PNPLA1: variants seen among roughly 807,000 people sequenced by gnomAD.
PNPLA1 encodes the protein omega-hydroxyceramide transacylase.
Under a neutral mutation model 51.7 loss-of-function variants are expected in PNPLA1, and 36 were observed. That is an observed-to-expected ratio of 0.70 (90% CI 0.53 to 0.92). The LOEUF (loss-of-function observed/expected upper bound fraction) is 0.92, where lower values mean the gene tolerates loss of function less well. Among genes scored for constraint, PNPLA1 ranks in the 40% least tolerant of loss-of-function variants. The pLI is 0.00. For synonymous variants in PNPLA1, 293 were observed against 280.1 expected (o/e 1.05, Z -0.46); for missense variants, 658 against 682.5 (o/e 0.96, Z 0.40).
At chr6:36,271,254 G>A (rs1769908097) in intron 1 of PNPLA1, among the ~76,000 whole-genome samples, 2 of 152,138 alleles carry the variant, frequency 1.3e-5, no homozygotes, top group African/African-American at 4.8e-5. Flanking sequence ...TGTCCTGCTG[G>A]TCCAGGAGCC....
At chr6:36,291,696 C>A in intron 2 of PNPLA1, 144 bp downstream of exon 2, 1 of 731,782 alleles carries the variant, frequency 1.4e-6, no homozygotes, top group Non-Finnish European at 2.2e-6. Context: ...CAGAGTCTCG[C>A]TGTGCAAGGT....
intron 1 of PNPLA1, among the ~76,000 whole-genome samples, chr6:36,247,863 A>G (rs1769331030): frequency 6.6e-6 from 1 of 152,190 alleles, no homozygotes; most frequent in African/African-American, 2.4e-5. Context: ...TTGGTTACTC[A>G]GGGCTCCCGA....
chr6:36,302,396 A>T lies in PNPLA1; in HGVS notation c.1311A>T (p.Thr437=). ...CTTCAACTGTGGGGGCACCTCAAAC[A>T]CTGCCCCGAAGTTCTCTTTCAGCCT... The part of the protein sequence containing the change: ...LGPSTVGAPQ[T]LPRSSLSAFP... The change falls in exon 6 of 9, where the codon ACA becomes ACT. Residue 437 remains threonine, a synonymous_variant. Transcript: ENST00000636260. 6.3e-7 allele frequency: 1 copy of T among 1,589,460 alleles called. No individual in the cohort carries two copies.
At chr6:36,263,965 G>A (rs569774843) in intron 1 of PNPLA1, among the ~76,000 whole-genome samples, 21 of 152,208 alleles carry the variant, frequency 1.4e-4, no homozygotes, top group African/African-American at 4.6e-4. Flanking sequence ...CTGCTTCCCC[G>A]CTTCCCTTCC....
chr6:36,270,754 G>C (rs555323630), intron 1 of PNPLA1, 90 bp downstream of exon 1: 34 of 1,427,468 alleles, frequency 2.4e-5, no homozygotes, highest in Non-Finnish European at 2.8e-5. Context: ...GATGCTTTGG[G>C]GGACAAAGCC....
intron 1 of PNPLA1, among the ~76,000 whole-genome samples, chr6:36,260,168 G>A (rs989346845): frequency 1.3e-5 from 2 of 152,042 alleles, no homozygotes; most frequent in East Asian, 3.9e-4. Context: ...TTGTGTGCCT[G>A]TAGTCCTAGC....
At chr6:36,273,331 A>C (rs1769984307) in intron 1 of PNPLA1, among the ~76,000 whole-genome samples, 1 of 151,488 alleles carries the variant, frequency 6.6e-6, no homozygotes, top group Non-Finnish European at 1.5e-5. Flanking sequence ...CTAATCCCCC[A>C]CTCCCTCCTC....
At position 36,306,377 on chromosome 6, in the gene PNPLA1, G is replaced by GT. The variant is rs1173092488; in HGVS notation, c.1469+2dup. On this transcript the variant is annotated splice_donor_variant, in intron 7 of 8. Transcript: ENST00000636260. LOFTEE classifies it high-confidence loss of function. ...AAACCGTCAGCAAGCCTTATGTAAC[G>GT]TAAGTTTCCCCTTCGTGGAGCACGC... The GT allele has an allele frequency of 3.1e-6, 5 of 1,606,876 alleles. No homozygotes were observed. Among genetic ancestry groups the GT allele is most frequent in the African/African-American group, 2.7e-5 (2 of 74,320 alleles).
In PNPLA1 at chr6:36,299,325, T is replaced by G. The variant is rs966095115; in HGVS notation, c.776-2536T>G. Among the ~76,000 whole-genome samples, 8 of 81,906 alleles carry G rather than the reference T, an allele frequency of 9.8e-5. 1 individual carries two copies. The highest frequency in any genetic ancestry group is 1.8e-4 in the African/African-American group (4 of 22,702). 53.7% of individuals were successfully genotyped at this position (81,906 alleles called of 152,430 possible). On this transcript the variant is annotated intron_variant, in intron 5 of 8. Transcript: ENST00000636260. ...CCAAAACTTTTGGGGTTTTTTTTGT[T>G]TTTTTGTCTGTTTTTTTTTTTTTTT...
chr6:36,299,942 A>G (rs1332044289), intron 5 of PNPLA1, among the ~76,000 whole-genome samples: 1 of 152,186 alleles, frequency 6.6e-6, no homozygotes, highest in Non-Finnish European at 1.5e-5. Flanking sequence ...AGAATGATAC[A>G]TATATAACAC....
Position 36,302,445 on chromosome 6 carries a change from G to T in PNPLA1, c.1360G>T (p.Glu454Ter). Residue 454 changes from glutamate to a stop codon, truncating the protein, a stop_gained, in exon 6 of 9, where the codon GAA becomes TAA. Coordinates refer to ENST00000636260, the MANE Select transcript of PNPLA1 (RefSeq NM_001374623.1). LOFTEE classifies it high-confidence loss of function. ...CTTCCCTGCTCAGCCACCTGTGGAG[G>T]AACTAGGCCAAGAACAGCCCCAAGG... Reference protein sequence around the residue: ...SAFPAQPPVEELGQEQPQAVA... With the variant: ...SAFPAQPPVE 1 of 1,551,842 alleles carries T rather than the reference G, an allele frequency of 6.4e-7. No homozygotes were observed. Among genetic ancestry groups the T allele is most frequent in the Non-Finnish European group, 8.7e-7 (1 of 1,149,028 alleles).
rs1455553064 is a variant in PNPLA1, at chr6:36,300,196, A to T, written c.776-1665A>T. 1.6e-3 allele frequency among the ~76,000 whole-genome samples: 191 copies of T among 119,516 alleles called. 9 individuals are homozygous for T. In the South Asian group the frequency reaches 0.047, roughly 30 times the overall value. The allele number at this position is 119,516 out of a possible 152,430, so 78.4% of individuals were successfully genotyped here. On this transcript the variant is annotated intron_variant, in intron 5 of 8. Transcript: ENST00000636260. ...GTGTGTGTGAGAGAGAGAGAGAGAGAGAGAGAGAGAGAGAGAGAGACAGAG... is the reference window on the plus strand; with the variant it reads ...GTGTGTGTGAGAGAGAGAGAGAGAGTGAGAGAGAGAGAGAGAGAGACAGAG...
At chr6:36,275,784 T>C (rs1364269361) in intron 1 of PNPLA1, among the ~76,000 whole-genome samples, 1 of 152,230 alleles carries the variant, frequency 6.6e-6, no homozygotes, top group African/African-American at 2.4e-5. Context: ...CTGCTGGGCT[T>C]TCGACTGAAA....
intron 6 of PNPLA1, among the ~76,000 whole-genome samples, chr6:36,305,934 T>C (rs991254073): frequency 7.2e-5 from 11 of 152,140 alleles, no homozygotes; most frequent in African/African-American, 2.7e-4. Flanking sequence ...TTTGTATTTT[T>C]AGTAGAGACA....
At chr6:36,277,111 G>A (rs533246950) in intron 1 of PNPLA1, among the ~76,000 whole-genome samples, 1 of 152,292 alleles carries the variant, frequency 6.6e-6, no homozygotes, top group South Asian at 2.1e-4. Context: ...CAAGGACATA[G>A]CATGACAACA....
At chr6:36,303,322 T>C (rs1426875040) in intron 6 of PNPLA1, among the ~76,000 whole-genome samples, 3 of 152,178 alleles carry the variant, frequency 2.0e-5, no homozygotes, top group African/African-American at 7.2e-5. Context: ...CTCAATCTCC[T>C]GACTTTGTGA....
At chr6:36,276,765 C>A (rs888013962) in intron 1 of PNPLA1, among the ~76,000 whole-genome samples, 3 of 151,520 alleles carry the variant, frequency 2.0e-5, no homozygotes, top group African/African-American at 7.3e-5. Context: ...TTCCTTCCTT[C>A]CTTCCTTCCT....
chr6:36,281,972 G>C (rs528691174), intron 1 of PNPLA1, among the ~76,000 whole-genome samples: 1 of 150,208 alleles, frequency 6.7e-6, no homozygotes, highest in African/African-American at 2.5e-5. Context: ...GCAGTGAGCC[G>C]AGATCGCACC....
Position 36,270,490 on chromosome 6 carries a change from G to A in PNPLA1, c.31G>A (p.Asp11Asn). The change falls in exon 1 of 9, where the codon GAC becomes AAC. Residue 11 changes from aspartate (D) to asparagine (N), a missense_variant. By Grantham distance (23) the Asp-to-Asn change is conservative (BLOSUM62 1). Transcript: ENST00000636260. ...AGAACAGGTGTTCAAGGGGGACCCG[G>A]ACACCCCTCACTCCATCTCCTTCTC... MEEQVFKGDPDTPHSISFSGS... is the reference protein window; with the variant it reads MEEQVFKGDPNTPHSISFSGS... The A allele has an allele frequency of 6.4e-7, 1 of 1,551,448 alleles. No individual in the cohort carries two copies. Among genetic ancestry groups the A allele is most frequent in the South Asian group, 1.2e-5 (1 of 84,068 alleles).
Sources: gnomAD v4.1 joint callset for allele counts (sites outside exome capture counted in the v4.1 genomes callset) on GRCh38, gnomAD v4.1.1 for gene constraint, MANE v1.5 for transcripts, NCBI Gene and HGNC (gene_info 2026-07-23, HGNC 2026-07-21) for gene names.